The following AKAP7 variants were observed in gnomAD, a reference collection of about 807,000 sequenced individuals.
AKAP7 encodes A-kinase anchoring protein 7.
AKAP7 carries 39 observed loss-of-function variants against 39.5 expected under a neutral mutation model. That is an observed-to-expected ratio of 0.99 (90% confidence interval 0.76 to 1.29). AKAP7 has a LOEUF of 1.29. Ranked by LOEUF, AKAP7 falls within the 50% of genes most tolerant of loss-of-function variation. The pLI is 0.00. For synonymous variants in AKAP7, 140 were observed against 139.1 expected, an observed-to-expected ratio of 1.01 and a Z score of -0.05; for missense variants, 414 against 407.7, an observed-to-expected ratio of 1.02 and a Z score of -0.13.
intron 1 of AKAP7, chr6:131,136,864 T>C: frequency 1.0e-6 from 1 of 985,402 alleles, no homozygotes; most frequent in Non-Finnish European, 1.2e-6. Flanking sequence ...ATACTATTTT[T>C]AGTAGCTAAG....
At chr6:131,164,162 C>T (rs1335850546) in intron 3 of AKAP7, among the ~76,000 whole-genome samples, 1 of 152,004 alleles carries the variant, frequency 6.6e-6, no homozygotes, top group East Asian at 1.9e-4. Flanking sequence ...TTTATGGATT[C>T]TGCATTGACT....
chr6:131,224,900 G>A (rs1047400265), intron 7 of AKAP7, among the ~76,000 whole-genome samples: 4 of 151,346 alleles, frequency 2.6e-5, no homozygotes, highest in South Asian at 2.1e-4. Flanking sequence ...ACAAGTGTGC[G>A]CCACCATGCC....
intron 1 of AKAP7, among the ~76,000 whole-genome samples, chr6:131,139,407 A>C (rs141090356): frequency 2.4e-4 from 37 of 152,310 alleles, no homozygotes; most frequent in African/African-American, 8.2e-4. Flanking sequence ...ATTTGAGTTT[A>C]ATATGCTTTA....
intron 6 of AKAP7, among the ~76,000 whole-genome samples, chr6:131,207,637 A>G (rs1385514372): frequency 6.6e-6 from 1 of 151,706 alleles, no homozygotes; most frequent in Non-Finnish European, 1.5e-5. Flanking sequence ...ACCCAGCCAC[A>G]TACTACATCT....
intron 2 of AKAP7, among the ~76,000 whole-genome samples, chr6:131,150,890 C>A (rs1407572098): frequency 6.6e-6 from 1 of 152,130 alleles, no homozygotes; most frequent in Non-Finnish European, 1.5e-5. Flanking sequence ...AGTACATTTT[C>A]ATTAATTTAG....
intron 7 of AKAP7, among the ~76,000 whole-genome samples, chr6:131,224,101 C>A (rs1562226194): frequency 6.6e-6 from 1 of 152,140 alleles, no homozygotes; most frequent in Non-Finnish European, 1.5e-5. Flanking sequence ...TTGCTTATTA[C>A]AAATGCTTTC....
In AKAP7 at chr6:131,219,557, AACAAT is replaced by A. The variant is rs1809517353; in HGVS notation, c.703-103_703-99del. The stretch of plus-strand genomic sequence containing the variant: ...TTCAAGTGCCAGTAGGCAGTGGTGT[AACAAT>A]GTAGTAATGTAATAATCAGGTTCAA... On this transcript the variant is annotated intron_variant, in intron 6 of 7. Coordinates refer to ENST00000431975, the MANE Select transcript of AKAP7 (RefSeq NM_016377.4). 1.2e-5 allele frequency: 13 copies of A among 1,052,616 alleles called. No homozygotes were observed. In the East Asian group the frequency reaches 3.7e-4, roughly 30 times the overall value. The allele number at this position is 1,052,616 out of a possible 1,614,324, so 65.2% of individuals were successfully genotyped here. A position where few individuals can be genotyped will look rare whatever the true frequency, so the allele number is the denominator to read the frequency against.
chr6:131,225,639 A>G (rs1810099473), intron 7 of AKAP7, among the ~76,000 whole-genome samples: 1 of 152,116 alleles, frequency 6.6e-6, no homozygotes, highest in Admixed American at 6.6e-5. Flanking sequence ...GATTTGATAT[A>G]TATTCGTTCA....
rs1807308362 is a variant in AKAP7 at position 131,199,526 on chromosome 6, CAT to C, written c.656_657del (p.His219LeufsTer14). 6.2e-7 allele frequency: 1 copy of C among 1,612,090 alleles called. No homozygotes were observed. Among genetic ancestry groups the C allele is most frequent in the Non-Finnish European group, 8.5e-7 (1 of 1,178,432 alleles). ...LVGESRSFKP[H>X]LTFMKLSKSP... ...AGGAGAGAGCAGAAGTTTTAAACCT[CAT>C]TTGACCTTCATGAAGTTGTCAAAAT... On this transcript the variant is annotated frameshift_variant, in exon 6 of 8. Coordinates refer to ENST00000431975, the MANE Select transcript of AKAP7 (RefSeq NM_016377.4). LOFTEE classifies it high-confidence loss of function.
intron 7 of AKAP7, among the ~76,000 whole-genome samples, chr6:131,243,396 G>A (rs1016202691): frequency 3.3e-5 from 5 of 152,156 alleles, no homozygotes; most frequent in African/African-American, 1.2e-4. Context: ...AGACTAATCA[G>A]AATGAATACT....
chr6:131,251,290 A>G (rs575538368), intron 7 of AKAP7, among the ~76,000 whole-genome samples: 12 of 152,210 alleles, frequency 7.9e-5, no homozygotes, highest in Non-Finnish European at 1.8e-4. Context: ...ATTCACTTAC[A>G]TTTTAGCTTT....
intron 1 of AKAP7, chr6:131,137,430 TGGA>T: frequency 6.6e-6 from 1 of 152,334 alleles, no homozygotes; most frequent in South Asian, 2.1e-4. Context: ...TCGCCCAGGC[TGGA>T]GTGCAGTGGC....
At chr6:131,176,322 C>T (rs1804575331) in intron 5 of AKAP7, among the ~76,000 whole-genome samples, 1 of 151,504 alleles carries the variant, frequency 6.6e-6, no homozygotes, top group Non-Finnish European at 1.5e-5. Flanking sequence ...CACCTTCTTT[C>T]CTAGAATTAC....
intron 5 of AKAP7, among the ~76,000 whole-genome samples, chr6:131,194,961 G>A (rs1806779937): frequency 6.6e-6 from 1 of 152,182 alleles, no homozygotes; most frequent in Admixed American, 6.5e-5. Context: ...GCAGGCAACA[G>A]ATTATTGAAT....
chr6:131,161,067 G>T (rs886804550), intron 3 of AKAP7, among the ~76,000 whole-genome samples: 13 of 152,138 alleles, frequency 8.5e-5, no homozygotes, highest in African/African-American at 2.9e-4. Flanking sequence ...TTTCCACATT[G>T]CCTTTCCCCT....
At chr6:131,194,333 A>G (rs1806705773) in intron 5 of AKAP7, among the ~76,000 whole-genome samples, 2 of 151,972 alleles carry the variant, frequency 1.3e-5, no homozygotes. Context: ...ATGTATTTGT[A>G]TAGTTCCCCA....
chr6:131,134,827 G>A (rs1800416492), upstream of AKAP7, among the ~76,000 whole-genome samples: 1 of 152,138 alleles, frequency 6.6e-6, no homozygotes, highest in Non-Finnish European at 1.5e-5. Flanking sequence ...ATTTGTGGAC[G>A]GATGCACCTA....
At chr6:131,131,941 T>C (rs151122292), upstream of AKAP7, among the ~76,000 whole-genome samples, 1,413 of 152,236 alleles carry the variant, frequency 9.3e-3, 22 homozygotes, top group African/African-American at 0.033. Context: ...CAAACTGACA[T>C]AGAGGCTTAA....
chr6:131,152,660 C>G lies in AKAP7; in HGVS notation c.151+7244C>G, dbSNP rs146498384. Reference sequence around the variant, plus strand: ...CTGGCCAACATGCGAAACCCCATGTCTACTAAAAATACAAAGATTAGCTGG... The same window carrying G: ...CTGGCCAACATGCGAAACCCCATGTGTACTAAAAATACAAAGATTAGCTGG... On this transcript the variant is annotated intron_variant, in intron 2 of 7. Transcript: ENST00000431975. 2.0e-5 allele frequency among the ~76,000 whole-genome samples: 3 copies of G among 150,880 alleles called. No individual in the cohort carries two copies. In the East Asian group the frequency reaches 5.9e-4, roughly 30 times the overall value.
Sources: allele counts gnomAD v4.1 joint callset (sites outside exome capture counted in the v4.1 genomes callset), GRCh38; gene constraint gnomAD v4.1.1; transcripts MANE v1.5; gene names NCBI Gene and HGNC (gene_info 2026-07-23, HGNC 2026-07-21).